TBL1XR1: variants seen among roughly 807,000 people sequenced by gnomAD.
TBL1XR1 encodes TBL1X/Y related 1, also known as F-box-like/WD repeat-containing protein TBL1XR1.
Under a neutral mutation model 66.9 loss-of-function variants are expected in TBL1XR1, and 5 were observed. The ratio of observed to expected loss-of-function variants is 0.07; its 90% confidence interval spans 0.04 to 0.16. The LOEUF is 0.16. Ranked by LOEUF, TBL1XR1 falls within the 10% of genes least tolerant of loss-of-function variation. The pLI, the probability that TBL1XR1 is intolerant of heterozygous loss-of-function variation, is 1.00. For synonymous variants in TBL1XR1, 210 were observed against 206.0 expected, an observed-to-expected ratio of 1.02 and a Z score of -0.17; for missense variants, 238 against 623.2, an observed-to-expected ratio of 0.38 and a Z score of 6.58.
intron 3 of TBL1XR1, among the ~76,000 whole-genome samples, chr3:177,062,274 T>C (rs966916647): frequency 2.0e-5 from 3 of 152,256 alleles, no homozygotes; most frequent in Admixed American, 6.5e-5. Flanking sequence ...ATAATTTTTC[T>C]GTCAAGATAT....
intron 12 of TBL1XR1, among the ~76,000 whole-genome samples, chr3:177,035,367 C>G (rs1714624402): frequency 6.6e-6 from 1 of 151,206 alleles, no homozygotes; most frequent in Admixed American, 6.6e-5. Context: ...TTTAGGTCCC[C>G]TCTTTTCTTA....
At chr3:177,071,040 T>C (rs1015701255) in intron 2 of TBL1XR1, among the ~76,000 whole-genome samples, 1 of 144,742 alleles carries the variant, frequency 6.9e-6, no homozygotes, top group Non-Finnish European at 1.5e-5. Flanking sequence ...TGTTTTTTTT[T>C]TTTTTTTTGA....
At chr3:177,194,415 CT>C (rs1736562895) in intron 1 of TBL1XR1, among the ~76,000 whole-genome samples, 1 of 151,544 alleles carries the variant, frequency 6.6e-6, no homozygotes, top group Non-Finnish European at 1.5e-5. Flanking sequence ...TGCCTCTCCC[CT>C]GACTTCCTAC....
intron 1 of TBL1XR1, among the ~76,000 whole-genome samples, chr3:177,114,678 A>G (rs79556996): frequency 7.3e-6 from 1 of 137,110 alleles, no homozygotes; most frequent in Non-Finnish European, 1.5e-5. Flanking sequence ...AATTAAAAAG[A>G]AAAAAAAAAA....
At chr3:177,100,132 G>A (rs558289795) in intron 1 of TBL1XR1, among the ~76,000 whole-genome samples, 23 of 152,190 alleles carry the variant, frequency 1.5e-4, no homozygotes, top group Non-Finnish European at 3.2e-4. Context: ...CTAGCTACTC[G>A]GGAGCCTGGG....
rs1712309450 is a variant in TBL1XR1 at position 177,021,219 on chromosome 3, C to T, written c.*4279G>A. 6.6e-6 allele frequency: 1 copy of T among 152,538 alleles called. No individual in the cohort carries two copies. The highest frequency in any genetic ancestry group is 1.5e-5 in the Non-Finnish European group (1 of 67,992). 9.4% of individuals were successfully genotyped at this position (152,538 alleles called of 1,614,324 possible). ...CAAAGTCAGGAAAGAAGAAAATTTA[C>T]TTCCGTATTCAAGGATTACAGAGCT... On this transcript the variant is annotated 3_prime_UTR_variant, in exon 16 of 16. Transcript: ENST00000457928.
chr3:177,134,945 C>CTGTGTGTGTGTGTGTGTGTGTGTGTG (rs10662042), intron 1 of TBL1XR1, among the ~76,000 whole-genome samples: 58 of 129,196 alleles, frequency 4.5e-4, no homozygotes, highest in African/African-American at 1.3e-3. Flanking sequence ...CACTGCAAGG[C>CTGTGTGTGTGTGTGTGTGTGTGTGTG]TGTGTGTGTG....
Position 177,065,414 on chromosome 3 carries a change from T to C in TBL1XR1, c.-45-392A>G, listed in dbSNP as rs1229556588. ...GATTTAGTTAAAAAAGAATATCAGT[T>C]ACTTGGGAAAAGACCATTGGGTGGG... is the stretch of plus-strand genomic sequence containing the variant. On this transcript the variant is annotated intron_variant, in intron 2 of 15. Coordinates refer to ENST00000457928, the MANE Select transcript of TBL1XR1 (RefSeq NM_024665.7). Among the ~76,000 whole-genome samples the C allele has an allele frequency of 3.3e-5, 5 of 152,226 alleles. 1 individual carries two copies. The highest frequency in any genetic ancestry group is 7.3e-5 in the Non-Finnish European group (5 of 68,054).
chr3:177,025,207 G>T lies in TBL1XR1; in HGVS notation c.*291C>A. ...TACATGTATGTTCTGCTTTTATAATGTATATTTTTCTCTCTTCTGTTTTTC... is the reference window on the plus strand; with the variant it reads ...TACATGTATGTTCTGCTTTTATAATTTATATTTTTCTCTCTTCTGTTTTTC... On this transcript the variant is annotated 3_prime_UTR_variant, in exon 16 of 16. Coordinates refer to ENST00000457928, the MANE Select transcript of TBL1XR1 (RefSeq NM_024665.7). The T allele has an allele frequency of 2.7e-6, 1 of 372,352 alleles. No individual in the cohort carries two copies. Among genetic ancestry groups the T allele is most frequent in the Non-Finnish European group, 4.8e-6 (1 of 208,688 alleles). The allele number at this position is 372,352 out of a possible 1,614,324, so 23.1% of individuals were successfully genotyped here.
chr3:177,171,702 CAAAAAAAAAAA>C (rs34278942), intron 1 of TBL1XR1, among the ~76,000 whole-genome samples: 11 of 47,296 alleles, frequency 2.3e-4, no homozygotes, highest in South Asian at 1.1e-3. Context: ...GACTCCGTCT[CAAAAAAAAAAA>C]AAAAAAAAAA....
chr3:177,062,915 A>G (rs1000710809), intron 3 of TBL1XR1, among the ~76,000 whole-genome samples: 3 of 152,114 alleles, frequency 2.0e-5, no homozygotes, highest in African/African-American at 7.2e-5. Flanking sequence ...CGGGCGGATC[A>G]CCTAAGGTCG....
chr3:177,081,101 T>C (rs1282987183), intron 2 of TBL1XR1, among the ~76,000 whole-genome samples: 1 of 152,254 alleles, frequency 6.6e-6, no homozygotes, highest in Admixed American at 6.5e-5. Context: ...TAAAATAACT[T>C]GACACACATG....
intron 1 of TBL1XR1, among the ~76,000 whole-genome samples, chr3:177,188,331 C>T (rs998572377): frequency 2.0e-5 from 3 of 152,010 alleles, no homozygotes; most frequent in Non-Finnish European, 2.9e-5. Context: ...GGCAGATCAC[C>T]TGAGGTCAGA....
chr3:177,049,115 G>GA (rs879279310), intron 7 of TBL1XR1, among the ~76,000 whole-genome samples: 14 of 152,216 alleles, frequency 9.2e-5, no homozygotes, highest in Non-Finnish European at 1.9e-4. Flanking sequence ...TATGATTTCT[G>GA]AAAAAACATT....
chr3:177,090,065 T>C (rs1722634072), intron 2 of TBL1XR1, among the ~76,000 whole-genome samples: 1 of 152,204 alleles, frequency 6.6e-6, no homozygotes, highest in Non-Finnish European at 1.5e-5. Context: ...GACATGCACA[T>C]TTCATGCTCC....
chr3:177,118,086 C>G (rs973235158), intron 1 of TBL1XR1, among the ~76,000 whole-genome samples: 7 of 152,144 alleles, frequency 4.6e-5, no homozygotes, highest in Non-Finnish European at 8.8e-5. Context: ...ACCATTTTAT[C>G]CACTCTTCTC....
chr3:177,129,256 T>A (rs1238912449), intron 1 of TBL1XR1, among the ~76,000 whole-genome samples: 1 of 152,172 alleles, frequency 6.6e-6, no homozygotes, highest in Non-Finnish European at 1.5e-5. Context: ...ACAACTCATA[T>A]CTGAGACAAT....
At chr3:177,071,972 G>A (rs536001051) in intron 2 of TBL1XR1, among the ~76,000 whole-genome samples, 1 of 152,190 alleles carries the variant, frequency 6.6e-6, no homozygotes, top group East Asian at 1.9e-4. Context: ...GGGCTGGGGA[G>A]AAGAGAAGTA....
At chr3:177,144,416 G>C (rs1002889967) in intron 1 of TBL1XR1, among the ~76,000 whole-genome samples, 1 of 152,128 alleles carries the variant, frequency 6.6e-6, no homozygotes, top group East Asian at 1.9e-4. Flanking sequence ...CAAGGCCAAA[G>C]GTCTCTGTTG....
Sources: gnomAD v4.1 joint callset for allele counts (sites outside exome capture counted in the v4.1 genomes callset) on GRCh38, gnomAD v4.1.1 for gene constraint, MANE v1.5 for transcripts, NCBI Gene and HGNC (gene_info 2026-07-23, HGNC 2026-07-21) for gene names.